Variants in CSMD1 observed in about 807,000 individuals in gnomAD.
CSMD1 encodes the protein CUB and sushi domain-containing protein 1.
A neutral mutation model predicts 417.5 loss-of-function variants in CSMD1; 213 were observed. The ratio of observed to expected loss-of-function variants is 0.51; its 90% CI spans 0.46 to 0.57. The LOEUF (loss-of-function observed/expected upper bound fraction) is 0.57, where lower values mean the gene tolerates loss of function less well. CSMD1 is among the 20% of genes least tolerant of loss of function. CSMD1 has a pLI of 0.00. For missense variants in CSMD1, 6,923 were observed against 4,529.7 expected, an observed-to-expected ratio of 1.53 and a Z score of -15.17; for synonymous variants, 2,862 against 1,736.8, an observed-to-expected ratio of 1.65 and a Z score of -16.11.
intron 12 of CSMD1, among the ~76,000 whole-genome samples, chr8:3,415,317 T>C (rs908034859): frequency 2.6e-5 from 4 of 152,184 alleles, no homozygotes; most frequent in African/African-American, 9.7e-5. Context: ...TTATTAACCA[T>C]AGTACCATGT....
chr8:4,124,356 A>C (rs1204249098), intron 3 of CSMD1, among the ~76,000 whole-genome samples: 1 of 152,130 alleles, frequency 6.6e-6, no homozygotes, highest in Non-Finnish European at 1.5e-5. Flanking sequence ...TTCTTTACGG[A>C]TATGAAATGT....
chr8:3,381,867 A>G (rs1017910881), intron 18 of CSMD1, among the ~76,000 whole-genome samples: 2 of 152,180 alleles, frequency 1.3e-5, no homozygotes, highest in Admixed American at 6.5e-5. Context: ...GTCAATTTCT[A>G]TGCAATTCTG....
At chr8:4,162,864 G>C (rs537089339) in intron 3 of CSMD1, among the ~76,000 whole-genome samples, 3 of 152,146 alleles carry the variant, frequency 2.0e-5, no homozygotes, top group Non-Finnish European at 2.9e-5. Context: ...ACACTGAGTA[G>C]TTTCCCCGCC....
At chr8:4,774,063 G>T (rs547083900) in intron 1 of CSMD1, among the ~76,000 whole-genome samples, 1 of 152,112 alleles carries the variant, frequency 6.6e-6, no homozygotes, top group Admixed American at 6.5e-5. Context: ...TGGGCATGGC[G>T]ATAGATGCCT....
chr8:4,093,820 G>T (rs944987945), intron 3 of CSMD1, among the ~76,000 whole-genome samples: 13 of 152,052 alleles, frequency 8.5e-5, no homozygotes, highest in Admixed American at 8.5e-4. Context: ...AAGTAGCTGG[G>T]TGTGGTGGTG....
intron 49 of CSMD1, among the ~76,000 whole-genome samples, chr8:3,068,394 A>G (rs1288065927): frequency 6.6e-6 from 1 of 152,198 alleles, no homozygotes; most frequent in African/African-American, 2.4e-5. Flanking sequence ...CTAACAAAAA[A>G]TCCCCACACT....
At chr8:4,070,242 A>G (rs963906593) in intron 3 of CSMD1, among the ~76,000 whole-genome samples, 11 of 152,288 alleles carry the variant, frequency 7.2e-5, no homozygotes, top group African/African-American at 1.9e-4. Flanking sequence ...CTTATCATAT[A>G]TATTACAAAC....
chr8:4,218,758 G>C (rs566206581), intron 3 of CSMD1, among the ~76,000 whole-genome samples: 6 of 152,266 alleles, frequency 3.9e-5, no homozygotes, highest in Non-Finnish European at 7.4e-5. Flanking sequence ...GTTTTCATCA[G>C]TCTCTTGATT....
chr8:3,681,984 C>G (rs1431935158), intron 7 of CSMD1, among the ~76,000 whole-genome samples: 1 of 152,102 alleles, frequency 6.6e-6, no homozygotes, highest in African/African-American at 2.4e-5. Flanking sequence ...AACTGGCTAG[C>G]CATATGTAGA....
chr8:3,603,483 C>G (rs1159206606), intron 8 of CSMD1, among the ~76,000 whole-genome samples: 2 of 152,110 alleles, frequency 1.3e-5, no homozygotes, highest in Admixed American at 1.3e-4. Context: ...TCCTCCTTCA[C>G]CTTACTGTTT....
At chr8:3,972,600 T>C (rs1173111199) in intron 5 of CSMD1, among the ~76,000 whole-genome samples, 1 of 152,208 alleles carries the variant, frequency 6.6e-6, no homozygotes, top group Non-Finnish European at 1.5e-5. Context: ...ACGGCCTTTA[T>C]TTTTAATGTA....
intron 3 of CSMD1, among the ~76,000 whole-genome samples, chr8:4,135,323 C>A (rs13279836): frequency 3.8e-5 from 5 of 130,088 alleles, no homozygotes; most frequent in African/African-American, 6.1e-5. Flanking sequence ...GAGGGAGGAG[C>A]GAAGGAAGGG....
At chr8:4,075,738 G>C (rs1446332959) in intron 3 of CSMD1, among the ~76,000 whole-genome samples, 1 of 152,074 alleles carries the variant, frequency 6.6e-6, no homozygotes, top group East Asian at 1.9e-4. Flanking sequence ...ATGTTCTCAG[G>C]TTGTGTGTCC....
chr8:4,650,059 T>A (rs994142753), intron 1 of CSMD1, among the ~76,000 whole-genome samples: 35 of 152,148 alleles, frequency 2.3e-4, no homozygotes, highest in African/African-American at 8.2e-4. Context: ...TGTGAATATG[T>A]AGAAGACACC....
intron 3 of CSMD1, among the ~76,000 whole-genome samples, chr8:4,360,571 G>C (rs1055271209): frequency 7.7e-4 from 117 of 152,098 alleles, no homozygotes; most frequent in South Asian, 4.1e-4. Context: ...CTCACTGCAA[G>C]CTCCGCCTCC....
chr8:3,869,564 G>A (rs1301025171), intron 5 of CSMD1, among the ~76,000 whole-genome samples: 2 of 152,092 alleles, frequency 1.3e-5, no homozygotes, highest in African/African-American at 4.8e-5. Context: ...TTGGTTCACA[G>A]GTAGATATAA....
At position 4,122,578 on chromosome 8, in the gene CSMD1, C is replaced by A. The variant is rs561184295; in HGVS notation, c.416-90479G>T. Among the ~76,000 whole-genome samples, 13 of 152,260 alleles carry A rather than the reference C, an allele frequency of 8.5e-5. No individual in the cohort carries two copies. The East Asian group carries it at 2.3e-3, about 27-fold the overall frequency. ...TGCTTTCCCAATGTTTGGAGGACAT[C>A]GCATGCCCTACAAAATTAGGGCTCT... On this transcript the variant is annotated intron_variant, in intron 3 of 69. Coordinates refer to ENST00000635120, the MANE Select transcript of CSMD1 (RefSeq NM_033225.6).
At chr8:3,328,320 A>C (rs897504975) in intron 23 of CSMD1, among the ~76,000 whole-genome samples, 8 of 152,110 alleles carry the variant, frequency 5.3e-5, no homozygotes, top group Non-Finnish European at 8.8e-5. Context: ...CTGCCTGCCT[A>C]TATGCTGCTT....
At chr8:4,093,987 T>C (rs575808194) in intron 3 of CSMD1, among the ~76,000 whole-genome samples, 2 of 151,132 alleles carry the variant, frequency 1.3e-5, no homozygotes, top group Non-Finnish European at 2.9e-5. Context: ...GATAGATAGA[T>C]AGATAGATAG....
Sources: allele counts gnomAD v4.1 joint callset (sites outside exome capture counted in the v4.1 genomes callset), GRCh38; gene constraint gnomAD v4.1.1; transcripts MANE v1.5; gene names NCBI Gene and HGNC (gene_info 2026-07-23, HGNC 2026-07-21).